The following EYS variants were observed in gnomAD, a reference collection of about 807,000 sequenced individuals.
EYS encodes protein eyes shut homolog.
EYS carries 250 observed loss-of-function variants against 282.1 expected under a neutral mutation model. That is an observed-to-expected ratio of 0.89 (90% CI 0.80 to 0.98). EYS has a LOEUF of 0.98. Among genes scored for constraint, EYS ranks in the 50% least tolerant of loss-of-function variants. EYS has a pLI of 0.00. For missense variants in EYS, 4,016 were observed against 3,709.0 expected (o/e 1.08, Z -2.15); for synonymous variants, 1,355 against 1,282.9 (o/e 1.06, Z -1.20).
At chr6:65,072,010 C>A (rs939629280) in intron 12 of EYS, among the ~76,000 whole-genome samples, 1 of 151,774 alleles carries the variant, frequency 6.6e-6, no homozygotes, top group South Asian at 2.1e-4. Flanking sequence ...TAATAAATTT[C>A]TCTTCTTTAT....
intron 35 of EYS, among the ~76,000 whole-genome samples, chr6:63,886,745 A>T (rs1216315516): frequency 6.6e-6 from 1 of 152,128 alleles, no homozygotes; most frequent in Non-Finnish European, 1.5e-5. Flanking sequence ...ATGGCGATAT[A>T]TTATGAAAAG....
intron 5 of EYS, among the ~76,000 whole-genome samples, chr6:65,418,203 G>T (rs550557511): frequency 6.6e-6 from 1 of 152,130 alleles, no homozygotes; most frequent in Non-Finnish European, 1.5e-5. Flanking sequence ...AGTATTCCTA[G>T]TAGAAAAACT....
chr6:63,788,973 G>T, intron 38 of EYS, 85 bp downstream of exon 38: 3 of 1,358,142 alleles, frequency 2.2e-6, no homozygotes, highest in African/African-American at 1.5e-5. Flanking sequence ...GGCATCATGG[G>T]CTATTCACCT....
intron 1 of EYS, among the ~76,000 whole-genome samples, chr6:65,669,612 C>T (rs1768316626): frequency 6.6e-6 from 1 of 151,954 alleles, no homozygotes; most frequent in Non-Finnish European, 1.5e-5. Context: ...CTATGATTTG[C>T]AGGCCAGAAA....
At chr6:63,920,043 C>T (rs1456167741) in intron 35 of EYS, among the ~76,000 whole-genome samples, 1 of 152,104 alleles carries the variant, frequency 6.6e-6, no homozygotes, top group East Asian at 1.9e-4. Context: ...TGAAGAAAGT[C>T]TATCTACCTA....
chr6:64,274,490 T>TTTTTTTTGTTTG (rs1768047658), intron 30 of EYS, among the ~76,000 whole-genome samples: 1 of 149,084 alleles, frequency 6.7e-6, no homozygotes, highest in African/African-American at 2.5e-5. Flanking sequence ...CGTTTTTTTT[T>TTTTTTTTGTTTG]TTTTTTTTTT....
Position 64,625,487 on chromosome 6 carries a change from C to G in EYS, c.3568+634G>C, listed in dbSNP as rs1485679303. Among the ~76,000 whole-genome samples, 3 of 152,318 alleles carry G rather than the reference C, an allele frequency of 2.0e-5. No individual in the cohort carries two copies. The East Asian group carries it at 5.8e-4, about 29-fold the overall frequency. ...CTGCTTCTTGGTTCTTAGATGTTGCCTTCTGGCTGTGTCCTCACATTGTGG... is the reference window on the plus strand; with the variant it reads ...CTGCTTCTTGGTTCTTAGATGTTGCGTTCTGGCTGTGTCCTCACATTGTGG... On this transcript the variant is annotated intron_variant, in intron 23 of 42. Coordinates refer to ENST00000503581, the MANE Select transcript of EYS (RefSeq NM_001142800.2).
chr6:64,130,420 A>G (rs1436901880), intron 31 of EYS, among the ~76,000 whole-genome samples: 1 of 152,136 alleles, frequency 6.6e-6, no homozygotes, highest in Non-Finnish European at 1.5e-5. Flanking sequence ...CATAGGTGAG[A>G]ATTGAACAAT....
chr6:64,082,003 C>T lies in EYS; in HGVS notation c.6425-1G>A. The stretch of plus-strand genomic sequence containing the variant: ...AAAGATGGAAAGAATAAACCTGCAT[C>T]TAAAAAAGAAAATGGTATTAATATG... On this transcript the variant is annotated splice_acceptor_variant, in intron 31 of 42. Coordinates refer to ENST00000503581, the MANE Select transcript of EYS (RefSeq NM_001142800.2). LOFTEE classifies it high-confidence loss of function. 1 of 1,527,736 alleles carries T rather than the reference C, an allele frequency of 6.5e-7. No homozygotes were observed. Among genetic ancestry groups the T allele is most frequent in the Non-Finnish European group, 8.9e-7 (1 of 1,129,598 alleles). 94.6% of individuals were successfully genotyped at this position (1,527,736 alleles called of 1,614,324 possible).
intron 19 of EYS, among the ~76,000 whole-genome samples, chr6:64,865,254 A>G (rs1340985711): frequency 6.6e-6 from 1 of 152,186 alleles, no homozygotes; most frequent in Non-Finnish European, 1.5e-5. Flanking sequence ...ATATACACAC[A>G]TAAAGTCTAA....
chr6:65,689,454 A>C (rs1424051893), intron 1 of EYS, among the ~76,000 whole-genome samples: 1 of 149,752 alleles, frequency 6.7e-6, no homozygotes, highest in Non-Finnish European at 1.5e-5. Context: ...CAGCACACCA[A>C]CATGGCACAT....
intron 14 of EYS, among the ~76,000 whole-genome samples, chr6:64,957,961 A>G (rs1231357655): frequency 2.6e-5 from 4 of 152,168 alleles, no homozygotes; most frequent in African/African-American, 7.2e-5. Context: ...AGATAATATA[A>G]AGAAACGTTC....
At chr6:64,082,031 C>A in intron 31 of EYS, 29 bp from the exon 32 acceptor site, 1 of 1,428,804 alleles carries the variant, frequency 7.0e-7, no homozygotes, top group South Asian at 1.3e-5. Context: ...TTAATATGTT[C>A]TGATAGCATT....
chr6:65,685,510 G>T lies in EYS; in HGVS notation c.-448+21625C>A, dbSNP rs1046743283. On this transcript the variant is annotated intron_variant, in intron 1 of 42. Transcript: ENST00000503581. The stretch of plus-strand genomic sequence containing the variant: ...AGATAGACTTAAGGTTCAGCAAAAA[G>T]AATTTACTAGAGTATAATTGAAGGC... Among the ~76,000 whole-genome samples, 3 of 152,026 alleles carry T rather than the reference G, an allele frequency of 2.0e-5. No homozygotes were observed. The East Asian group carries it at 5.8e-4, about 29-fold the overall frequency.
chr6:65,558,654 C>G (rs1768912804), intron 2 of EYS, among the ~76,000 whole-genome samples: 1 of 152,172 alleles, frequency 6.6e-6, no homozygotes, highest in African/African-American at 2.4e-5. Context: ...AGATGAACAA[C>G]AAGAATACAG....
intron 28 of EYS, among the ~76,000 whole-genome samples, chr6:64,426,504 G>A (rs1014623865): frequency 1.3e-5 from 2 of 152,116 alleles, no homozygotes; most frequent in Admixed American, 6.6e-5. Context: ...ATAAGATCTC[G>A]AGAGGTGCTG....
At chr6:64,507,554 C>A (rs1303230043) in intron 26 of EYS, among the ~76,000 whole-genome samples, 1 of 152,108 alleles carries the variant, frequency 6.6e-6, no homozygotes, top group Non-Finnish European at 1.5e-5. Flanking sequence ...TTTCAAATGA[C>A]AACCATAATA....
At chr6:63,895,705 T>C (rs1773518966) in intron 35 of EYS, among the ~76,000 whole-genome samples, 1 of 152,156 alleles carries the variant, frequency 6.6e-6, no homozygotes, top group South Asian at 2.1e-4. Context: ...TTACATACTA[T>C]TTAACCTCAT....
At chr6:64,754,796 T>C (rs367758613) in intron 22 of EYS, among the ~76,000 whole-genome samples, 4 of 152,188 alleles carry the variant, frequency 2.6e-5, no homozygotes, top group African/African-American at 9.6e-5. Context: ...GTAAGCTATC[T>C]CAAAAGTATA....
Sources: allele counts gnomAD v4.1 joint callset (sites outside exome capture counted in the v4.1 genomes callset), GRCh38; gene constraint gnomAD v4.1.1; transcripts MANE v1.5; gene names NCBI Gene and HGNC (gene_info 2026-07-23, HGNC 2026-07-21).